Variants in SENP7 observed in about 807,000 individuals in gnomAD.
SENP7 encodes SUMO specific peptidase 7, also known as sentrin-specific protease 7.
Under a neutral mutation model 141.2 loss-of-function variants are expected in SENP7, and 64 were observed. The observed-to-expected ratio is 0.45, with a 90% CI of 0.37 to 0.56. SENP7 has a LOEUF of 0.56. Ranked by LOEUF, SENP7 falls within the 20% of genes least tolerant of loss-of-function variation. The pLI, the probability that SENP7 is intolerant of heterozygous loss-of-function variation, is 0.00. For missense variants in SENP7, 1,025 were observed against 1,212.2 expected, an observed-to-expected ratio of 0.85 and a Z score of 2.29; for synonymous variants, 382 against 426.4, an observed-to-expected ratio of 0.90 and a Z score of 1.28.
At chr3:101,417,309 A>G (rs979155755) in intron 5 of SENP7, among the ~76,000 whole-genome samples, 4 of 152,182 alleles carry the variant, frequency 2.6e-5, no homozygotes, top group Admixed American at 6.5e-5. Context: ...ATCATAAAAT[A>G]ATCCCTAAAA....
chr3:101,347,721 CAAA>C (rs11389959), intron 13 of SENP7, 148 bp downstream of exon 13: 1,801 of 273,172 alleles, frequency 6.6e-3, no homozygotes, highest in South Asian at 0.012. Flanking sequence ...GACTCCATCT[CAAA>C]AAAAAAAAAA....
At chr3:101,343,660 G>A (rs748826198) in intron 14 of SENP7, 26 bp downstream of exon 14, 4 of 1,576,978 alleles carry the variant, frequency 2.5e-6, no homozygotes, top group Non-Finnish European at 3.4e-6. Flanking sequence ...CCCCTTCTCT[G>A]CCAATTATAT....
rs368850019 is a variant in SENP7, at chr3:101,496,578, C to CTT, written c.91-2612_91-2611dup. 1.2e-3 allele frequency among the ~76,000 whole-genome samples: 154 copies of CTT among 133,254 alleles called. 2 individuals are homozygous for CTT. The highest frequency in any genetic ancestry group is 3.9e-3 in the Middle Eastern group (1 of 254). 87.4% of individuals were successfully genotyped at this position (133,254 alleles called of 152,430 possible). The stretch of plus-strand genomic sequence containing the variant: ...CACACCCAGCCAAACACTTCAAACA[C>CTT]TTTTTTTTTTTTTTTTTGAGACAGA... On this transcript the variant is annotated intron_variant, in intron 2 of 23. Coordinates refer to ENST00000394095, the MANE Select transcript of SENP7 (RefSeq NM_020654.5).
At chr3:101,355,284 CT>C (rs748377919) in intron 11 of SENP7, among the ~76,000 whole-genome samples, 1 of 152,104 alleles carries the variant, frequency 6.6e-6, no homozygotes, top group Non-Finnish European at 1.5e-5. Flanking sequence ...AAATCTTTGC[CT>C]GTGCCTATAT....
intron 6 of SENP7, among the ~76,000 whole-genome samples, chr3:101,384,963 G>T (rs1292752040): frequency 6.6e-6 from 1 of 152,156 alleles, no homozygotes; most frequent in Non-Finnish European, 1.5e-5. Flanking sequence ...ACTAATAGCA[G>T]TGCAAGAATG....
intron 3 of SENP7, among the ~76,000 whole-genome samples, chr3:101,465,072 T>C (rs980838450): frequency 4.6e-5 from 7 of 152,068 alleles, no homozygotes; most frequent in Admixed American, 3.9e-4. Context: ...ATGTCACCAA[T>C]GTACATCATC....
At chr3:101,438,691 C>T (rs970925575) in intron 4 of SENP7, among the ~76,000 whole-genome samples, 6 of 152,218 alleles carry the variant, frequency 3.9e-5, no homozygotes, top group African/African-American at 1.4e-4. Context: ...ATGTAAATTA[C>T]ACATCAATAA....
intron 3 of SENP7, among the ~76,000 whole-genome samples, chr3:101,482,481 A>G (rs2064534383): frequency 6.6e-6 from 1 of 152,186 alleles, no homozygotes; most frequent in South Asian, 2.1e-4. Context: ...TTCAGATGTC[A>G]TGTCTTCACA....
chr3:101,358,678 A>G (rs929522252), intron 11 of SENP7: 1 of 162,996 alleles, frequency 6.1e-6, no homozygotes, highest in African/African-American at 2.4e-5. Flanking sequence ...CTTATCACCC[A>G]GGTTGGAGGG....
At chr3:101,377,835 A>G (rs1022492914) in intron 6 of SENP7, among the ~76,000 whole-genome samples, 12 of 152,346 alleles carry the variant, frequency 7.9e-5, no homozygotes, top group African/African-American at 2.9e-4. Flanking sequence ...TATTCCAGGT[A>G]TGCTGTTGCA....
At chr3:101,406,367 G>C (rs1350143919) in intron 5 of SENP7, among the ~76,000 whole-genome samples, 6 of 151,978 alleles carry the variant, frequency 3.9e-5, no homozygotes, top group South Asian at 4.2e-4. Flanking sequence ...CTCACTCATA[G>C]GTGGGAATTG....
chr3:101,511,921 G>A (rs1373304565), intron 1 of SENP7, among the ~76,000 whole-genome samples: 7 of 152,152 alleles, frequency 4.6e-5, no homozygotes, highest in Non-Finnish European at 2.9e-5. Flanking sequence ...CCGGGTTCAC[G>A]CCATTCTCCT....
chr3:101,398,764 A>C, intron 6 of SENP7, 97 bp downstream of exon 6: 1 of 917,012 alleles, frequency 1.1e-6, no homozygotes, highest in Non-Finnish European at 1.6e-6. Context: ...GAGCACATTT[A>C]CCTCACATTT....
intron 7 of SENP7, among the ~76,000 whole-genome samples, chr3:101,369,395 A>G (rs1353621726): frequency 2.0e-5 from 3 of 152,172 alleles, no homozygotes; most frequent in African/African-American, 7.2e-5. Flanking sequence ...ACAATTCCTA[A>G]TAACTAATAT....
intron 3 of SENP7, among the ~76,000 whole-genome samples, chr3:101,487,034 T>C (rs1413438977): frequency 6.6e-6 from 1 of 152,200 alleles, no homozygotes; most frequent in Non-Finnish European, 1.5e-5. Flanking sequence ...GGGCATTATA[T>C]AATGGTAAAA....
At chr3:101,451,630 C>T (rs2063140130) in intron 4 of SENP7, among the ~76,000 whole-genome samples, 1 of 152,130 alleles carries the variant, frequency 6.6e-6, no homozygotes, top group Non-Finnish European at 1.5e-5. Flanking sequence ...ATTATCTCAA[C>T]AGATGCAGAA....
intron 6 of SENP7, among the ~76,000 whole-genome samples, chr3:101,373,733 C>T (rs1294399422): frequency 2.6e-5 from 4 of 152,120 alleles, no homozygotes; most frequent in African/African-American, 9.7e-5. Context: ...TTCAAATGCA[C>T]AACAGTGAAG....
In SENP7 at chr3:101,367,919, G is replaced by T; in HGVS notation, c.889C>A (p.Leu297Met). 6.2e-7 allele frequency: 1 copy of T among 1,608,516 alleles called. No homozygotes were observed. The stretch of plus-strand genomic sequence containing the variant: ...CTTCTCTTTGTCTTCCTGGAAATCA[G>T]AGTGAGTTCCACTTTTGAATCAGAA... ...KYSDSKVELT[L>M]ISRKTKRRLR... The change falls in exon 8 of 24, where the codon CTG (leucine) becomes ATG (methionine). Residue 297 changes from leucine to methionine, a missense_variant. Coordinates refer to ENST00000394095, the MANE Select transcript of SENP7 (RefSeq NM_020654.5).
chr3:101,416,179 C>G (rs1387541724), intron 5 of SENP7, among the ~76,000 whole-genome samples: 1 of 152,130 alleles, frequency 6.6e-6, no homozygotes, highest in East Asian at 1.9e-4. Context: ...AGCTCACCCA[C>G]TAACTGAACA....
Sources: gnomAD v4.1 joint callset for allele counts (sites outside exome capture counted in the v4.1 genomes callset) on GRCh38, gnomAD v4.1.1 for gene constraint, MANE v1.5 for transcripts, NCBI Gene and HGNC (gene_info 2026-07-23, HGNC 2026-07-21) for gene names.